Variants in NFX1 observed in about 807,000 individuals in gnomAD.
NFX1 encodes nuclear transcription factor, X-box binding 1, also known as transcriptional repressor NF-X1.
In NFX1, 69 loss-of-function variants were observed where a neutral mutation model predicts 137.2. The observed-to-expected ratio is 0.50, with a 90% CI of 0.41 to 0.61. The LOEUF is 0.61. NFX1 is among the 20% of genes least tolerant of loss of function. The pLI is 0.00. For missense variants in NFX1, 1,167 were observed against 1,391.0 expected (o/e 0.84, Z 2.56); for synonymous variants, 495 against 474.1 (o/e 1.04, Z -0.57).
chr9:33,303,381 C>G (rs1344193176), intron 4 of NFX1, 113 bp downstream of exon 4: 1 of 843,282 alleles, frequency 1.2e-6, no homozygotes, highest in Non-Finnish European at 2.0e-6. Flanking sequence ...CTTCAAAGCT[C>G]TAGGAGTCTA....
At chr9:33,347,945 A>T (rs1433977768) in intron 15 of NFX1, 2 of 158,056 alleles carry the variant, frequency 1.3e-5, no homozygotes, top group Non-Finnish European at 2.8e-5. Flanking sequence ...CAAACATCGT[A>T]TGTTCTCAAT....
chr9:33,363,105 A>G (rs934450520), intron 19 of NFX1, among the ~76,000 whole-genome samples: 1 of 151,972 alleles, frequency 6.6e-6, no homozygotes, highest in African/African-American at 2.4e-5. Context: ...TATTCTCACC[A>G]CAGTGAAATA....
chr9:33,352,397 G>A, intron 16 of NFX1: 1 of 605,882 alleles, frequency 1.7e-6, no homozygotes, highest in South Asian at 1.5e-5. Flanking sequence ...TCCTAGGCCT[G>A]CCCCTTCAGC....
At position 33,344,204 on chromosome 9, in the gene NFX1, T is replaced by A. The variant is rs1160758593; in HGVS notation, c.2344+16T>A. 6.2e-7 allele frequency: 1 copy of A among 1,613,188 alleles called. No homozygotes were observed. The highest frequency in any genetic ancestry group is 8.5e-7 in the Non-Finnish European group (1 of 1,179,514). On this transcript the variant is annotated intron_variant, in intron 14 of 23. Transcript: ENST00000379540. ...GACCATCCAGGTGAGTACCAACTTG[T>A]CTTCACACTTCAGCCTGCTCACACC... is the stretch of plus-strand genomic sequence containing the variant.
chr9:33,316,402 A>T (rs1008514522), intron 7 of NFX1, among the ~76,000 whole-genome samples: 2 of 151,326 alleles, frequency 1.3e-5, no homozygotes, highest in Non-Finnish European at 2.9e-5. Context: ...CTACAGATGC[A>T]CACCACCATG....
chr9:33,325,755 A>T (rs1316438683), intron 9 of NFX1, among the ~76,000 whole-genome samples: 2 of 152,232 alleles, frequency 1.3e-5, no homozygotes, highest in South Asian at 2.1e-4. Flanking sequence ...AACAAAATTT[A>T]TTGCTAGCAG....
intron 11 of NFX1, among the ~76,000 whole-genome samples, chr9:33,333,294 A>T (rs1405074652): frequency 6.6e-6 from 1 of 152,262 alleles, no homozygotes; most frequent in Non-Finnish European, 1.5e-5. Context: ...TTCTGGATGC[A>T]GGTAACAAAA....
intron 19 of NFX1, among the ~76,000 whole-genome samples, chr9:33,356,187 C>T (rs983802937): frequency 6.6e-6 from 1 of 152,176 alleles, no homozygotes; most frequent in Non-Finnish European, 1.5e-5. Flanking sequence ...ATGTGTATAA[C>T]AAGATGTCAT....
In NFX1 at chr9:33,317,973, CAAAAAA is replaced by C. The variant is rs5897542; in HGVS notation, c.1589-735_1589-730del. On this transcript the variant is annotated intron_variant, in intron 7 of 23. Transcript: ENST00000379540. Reference sequence around the variant, plus strand: ...CCTGGGCAAGAGTGAGACTCTGTCTCAAAAAAAAAAAAAAAAAAAAAAAAAAAATCT... The same window carrying C: ...CCTGGGCAAGAGTGAGACTCTGTCTCAAAAAAAAAAAAAAAAAAAAAATCT... 5.0e-4 allele frequency among the ~76,000 whole-genome samples: 22 copies of C among 44,398 alleles called. No individual in the cohort carries two copies. The East Asian group carries it at 0.012, about 24-fold the overall frequency. The allele number at this position is 44,398 out of a possible 152,430, so 29.1% of individuals were successfully genotyped here. A position where few individuals can be genotyped will look rare whatever the true frequency, so the allele number is the denominator to read the frequency against.
At chr9:33,347,583 G>A in intron 15 of NFX1, 1 of 222,256 alleles carries the variant, frequency 4.5e-6, no homozygotes, top group South Asian at 4.8e-5. Flanking sequence ...CTGCTGGTGG[G>A]AATGTAAACT....
chr9:33,295,322 G>T lies in NFX1; in HGVS notation c.928G>T (p.Val310Phe), dbSNP rs765410019. ...AGTCATCAACAAGTCTTCCAGGAGG[G>T]TTGACCAAGAGAAATGCACTGTACG... is the stretch of plus-strand genomic sequence containing the variant. ...LAVINKSSRRVDQEKCTVRRQ... is the reference protein window; with the variant it reads ...LAVINKSSRRFDQEKCTVRRQ... Residue 310 changes from valine to phenylalanine, a missense_variant, in exon 2 of 24, where the codon GTT becomes TTT. Val to Phe is a conservative substitution (Grantham distance 50). Around this residue, in one of 3 missense-constraint regions of NFX1, gnomAD observed 367 missense variants for 386.7 expected, o/e 0.95. Coordinates refer to ENST00000379540, the MANE Select transcript of NFX1 (RefSeq NM_002504.6). 5 of 1,614,154 alleles carry T rather than the reference G, an allele frequency of 3.1e-6. No individual in the cohort carries two copies. In the South Asian group the frequency reaches 5.5e-5, roughly 18 times the overall value.
At chr9:33,352,845 G>A in intron 17 of NFX1, 126 bp downstream of exon 17, 1 of 699,590 alleles carries the variant, frequency 1.4e-6, no homozygotes, top group East Asian at 2.7e-5. Flanking sequence ...TGTAACTGTT[G>A]TAATCAGTTG....
chr9:33,317,629 A>T (rs1404457011), intron 7 of NFX1, among the ~76,000 whole-genome samples: 1 of 151,350 alleles, frequency 6.6e-6, no homozygotes, highest in Non-Finnish European at 1.5e-5. Context: ...ACACCACTGT[A>T]CTCCAGCTGG....
chr9:33,339,441 C>T (rs373680264), intron 12 of NFX1, among the ~76,000 whole-genome samples: 3 of 152,304 alleles, frequency 2.0e-5, no homozygotes, highest in African/African-American at 4.8e-5. Flanking sequence ...CCTGCCCCCA[C>T]GATTCAATTA....
rs777681699 is a variant in NFX1, at chr9:33,366,638, A to G, written c.3049A>G (p.Ser1017Gly). 24 of 1,614,094 alleles carry G rather than the reference A, an allele frequency of 1.5e-5. No homozygotes were observed. The East Asian group carries it at 5.1e-4, about 34-fold the overall frequency. Reference sequence around the variant, plus strand: ...TTTTCCCTCAATACAGGGAAAGAATAGTAAGAAAAGCCACAGCTTCCCTCC... The same window carrying G: ...TTTTCCCTCAATACAGGGAAAGAATGGTAAGAAAAGCCACAGCTTCCCTCC... ...LVEAVNKGKN[S>G]KKSHSFPPMN... is the part of the protein sequence containing the mutation. The change falls in exon 22 of 24, where the codon AGT becomes GGT. Residue 1017 changes from serine to glycine, a missense_variant. Physicochemically the swap from Ser to Gly is moderately conservative, Grantham distance 56. Coordinates refer to ENST00000379540, the MANE Select transcript of NFX1 (RefSeq NM_002504.6).
chr9:33,303,053 C>T, intron 3 of NFX1, 138 bp from the exon 4 acceptor site: 2 of 520,144 alleles, frequency 3.8e-6, no homozygotes, highest in Non-Finnish European at 7.0e-6. Flanking sequence ...GAATTTGTTC[C>T]TTAAATGTCT....
chr9:33,338,074 G>T (rs1173227421), intron 11 of NFX1, among the ~76,000 whole-genome samples: 2 of 151,188 alleles, frequency 1.3e-5, no homozygotes, highest in Admixed American at 6.6e-5. Context: ...AAGCAAAAAG[G>T]CCAGGCGTGT....
At position 33,295,424 on chromosome 9, in the gene NFX1, A is replaced by G. The variant is rs931489579; in HGVS notation, c.1030A>G (p.Thr344Ala). ...NHVLKNVETH[T>A]GSLIEQLTTE... is the part of the protein sequence containing the mutation. ...TGTGCTAAAGAATGTGGAAACGCAC[A>G]CAGGTAAACCTACCTAGATAGGAAA... Residue 344 changes from threonine (T) to alanine (A), a missense_variant, in exon 2 of 24, where the codon ACA (threonine) becomes GCA (alanine). Physicochemically the swap from Thr to Ala is moderately conservative, Grantham distance 58. Coordinates refer to ENST00000379540, the MANE Select transcript of NFX1 (RefSeq NM_002504.6). The G allele has an allele frequency of 6.2e-7, 1 of 1,609,310 alleles. No individual in the cohort carries two copies. The highest frequency in any genetic ancestry group is 8.5e-7 in the Non-Finnish European group (1 of 1,176,054).
rs780439321 is a variant in NFX1 at position 33,294,575 on chromosome 9, C to T, written c.181C>T (p.Pro61Ser). 2.5e-6 allele frequency: 4 copies of T among 1,614,138 alleles called. No homozygotes were observed. Among genetic ancestry groups the T allele is most frequent in the Non-Finnish European group, 3.4e-6 (4 of 1,180,032 alleles). ...PPPCHLSRQV[P>S]YDEISAVHQH... ...TCCCTGTCACCTTTCCAGGCAGGTC[C>T]CTTATGATGAAATCTCTGCTGTTCA... Residue 61 changes from proline (P) to serine (S), a missense_variant, in exon 2 of 24, where the codon CCT becomes TCT. Around this residue, in one of 3 missense-constraint regions of NFX1, gnomAD observed 367 missense variants for 386.7 expected, o/e 0.95. Coordinates refer to ENST00000379540, the MANE Select transcript of NFX1 (RefSeq NM_002504.6).
Sources: allele counts gnomAD v4.1 joint callset (sites outside exome capture counted in the v4.1 genomes callset), GRCh38; gene constraint gnomAD v4.1.1; regional missense constraint gnomAD v4.1.1; transcripts MANE v1.5; gene names NCBI Gene and HGNC (gene_info 2026-07-23, HGNC 2026-07-21).